RABGEF1: variants seen among roughly 807,000 people sequenced by gnomAD.
RABGEF1 encodes the protein rab5 GDP/GTP exchange factor.
RABGEF1 carries 26 observed loss-of-function variants against 57.3 expected under a neutral mutation model. The observed-to-expected ratio is 0.45, with a 90% CI of 0.33 to 0.63. The LOEUF is 0.63. Ranked by LOEUF, RABGEF1 falls within the 20% of genes least tolerant of loss-of-function variation. The probability of loss-of-function intolerance (pLI) is 0.02; values close to 1 mark genes in which losing one functional copy is unlikely to be tolerated. For missense variants in RABGEF1, 464 were observed against 607.6 expected, an observed-to-expected ratio of 0.76 and a Z score of 2.48; for synonymous variants, 185 against 210.7, an observed-to-expected ratio of 0.88 and a Z score of 1.06.
At chr7:66,658,301 G>A in the RABGEF1 span, among the ~76,000 whole-genome samples, 1 of 152,176 alleles carries the variant, frequency 6.6e-6, no homozygotes, top group Non-Finnish European at 1.5e-5. Flanking sequence ...GGGAGGCCAA[G>A]GTAGGCGGAT....
intron 1 of RABGEF1, among the ~76,000 whole-genome samples, chr7:66,709,870 A>G (rs753771798): frequency 4.0e-4 from 61 of 152,356 alleles, no homozygotes; most frequent in Middle Eastern, 6.8e-3. Context: ...CTAGGAGGTA[A>G]TACTAGAAAC....
intron 1 of RABGEF1, among the ~76,000 whole-genome samples, chr7:66,696,956 G>A (rs753864723): frequency 1.3e-5 from 2 of 152,192 alleles, no homozygotes; most frequent in African/African-American, 2.4e-5. Flanking sequence ...GGGATGGGGA[G>A]CAAGATACAT....
the RABGEF1 span, among the ~76,000 whole-genome samples, chr7:66,674,551 C>T: frequency 6.6e-6 from 1 of 151,972 alleles, no homozygotes; most frequent in African/African-American, 2.4e-5. Flanking sequence ...CTGGAAACAA[C>T]CCGAATGTCC....
chr7:66,685,829 T>C (rs1790537803), intron 1 of RABGEF1, among the ~76,000 whole-genome samples: 1 of 152,180 alleles, frequency 6.6e-6, no homozygotes, highest in Admixed American at 6.5e-5. Flanking sequence ...ACTGTGTGAG[T>C]TTAATTTCTG....
chr7:66,791,454 T>A (rs1044447127), intron 4 of RABGEF1, among the ~76,000 whole-genome samples: 2 of 152,156 alleles, frequency 1.3e-5, no homozygotes, highest in Non-Finnish European at 2.9e-5. Context: ...TCTTTTCCTT[T>A]AAAAAATTAT....
chr7:66,739,876 A>C (rs1479056000), upstream of RABGEF1: 1 of 152,230 alleles, frequency 6.6e-6, no homozygotes, highest in African/African-American at 2.4e-5. Context: ...CATTCCTTAC[A>C]TGGGAATCAC....
At chr7:66,793,246 A>G (rs970991431) in intron 4 of RABGEF1, among the ~76,000 whole-genome samples, 1 of 152,218 alleles carries the variant, frequency 6.6e-6, no homozygotes, top group Non-Finnish European at 1.5e-5. Flanking sequence ...TTACACATAT[A>G]TAAGATAACT....
the RABGEF1 span, among the ~76,000 whole-genome samples, chr7:66,665,007 C>T: frequency 2.6e-5 from 4 of 152,336 alleles, no homozygotes; most frequent in Non-Finnish European, 4.4e-5. Context: ...CATGAGCTGG[C>T]GAGTCTCGCC....
chr7:66,715,467 C>T (rs927293301), intron 2 of RABGEF1, among the ~76,000 whole-genome samples: 5 of 152,124 alleles, frequency 3.3e-5, no homozygotes, highest in Non-Finnish European at 7.3e-5. Flanking sequence ...TACATAAATT[C>T]CCCTTTAATT....
chr7:66,696,856 T>G (rs558214895), intron 1 of RABGEF1, among the ~76,000 whole-genome samples: 1 of 152,244 alleles, frequency 6.6e-6, no homozygotes, highest in Admixed American at 6.5e-5. Flanking sequence ...AAGCAAGTTA[T>G]TGGGCACAGA....
chr7:66,787,063 G>C (rs113432476), intron 4 of RABGEF1, among the ~76,000 whole-genome samples: 1 of 152,122 alleles, frequency 6.6e-6, no homozygotes, highest in African/African-American at 2.4e-5. Context: ...GTCTTGCTCT[G>C]TTGGCCAGGC....
upstream of RABGEF1, among the ~76,000 whole-genome samples, chr7:66,737,690 T>C (rs541655718): frequency 2.4e-4 from 37 of 152,286 alleles, no homozygotes; most frequent in African/African-American, 8.2e-4. Context: ...AAAAACACAT[T>C]CTCAACAACA....
intron 2 of RABGEF1, among the ~76,000 whole-genome samples, chr7:66,718,063 G>C (rs1242979793): frequency 2.6e-5 from 4 of 151,830 alleles, no homozygotes; most frequent in Non-Finnish European, 4.4e-5. Context: ...TAGAAAACTA[G>C]TTAAATAGGT....
intron 7 of RABGEF1, among the ~76,000 whole-genome samples, chr7:66,800,950 C>G (rs527415502): frequency 2.9e-4 from 44 of 152,286 alleles, no homozygotes; most frequent in African/African-American, 1.1e-3. Flanking sequence ...AGAGGCTGCC[C>G]GTTAAGTTAC....
chr7:66,703,272 T>G (rs1793560818), intron 1 of RABGEF1, among the ~76,000 whole-genome samples: 1 of 152,160 alleles, frequency 6.6e-6, no homozygotes, highest in East Asian at 1.9e-4. Context: ...GTGCCTGGCC[T>G]GTATGTAAGT....
chr7:66,721,109 G>T (rs1796002737), intron 2 of RABGEF1, among the ~76,000 whole-genome samples: 2 of 152,110 alleles, frequency 1.3e-5, no homozygotes, highest in Admixed American at 1.3e-4. Context: ...AGTAGGGATG[G>T]GGTTTCACCA....
intron 2 of RABGEF1, among the ~76,000 whole-genome samples, chr7:66,728,703 A>C (rs1342983102): frequency 1.6e-3 from 8 of 5,094 alleles, no homozygotes; most frequent in Non-Finnish European, 1.8e-3. Context: ...TCCTCACCTC[A>C]ACTTTCAGCT....
intron 2 of RABGEF1, among the ~76,000 whole-genome samples, chr7:66,774,839 C>T (rs1808122995): frequency 6.6e-6 from 1 of 152,160 alleles, no homozygotes; most frequent in South Asian, 2.1e-4. Flanking sequence ...CGTCAGACTC[C>T]CCCAGCAGAT....
chr7:66,655,223 T>C, the RABGEF1 span, among the ~76,000 whole-genome samples: 2 of 152,268 alleles, frequency 1.3e-5, no homozygotes, highest in South Asian at 2.1e-4. Flanking sequence ...GCTGCAGGGC[T>C]GGGGTTAGGA....
Sources: gnomAD v4.1 joint callset for allele counts (sites outside exome capture counted in the v4.1 genomes callset) on GRCh38, gnomAD v4.1.1 for gene constraint, MANE v1.5 for transcripts, NCBI Gene and HGNC (gene_info 2026-07-23, HGNC 2026-07-21) for gene names.